TDRD9: variants seen among roughly 807,000 people sequenced by gnomAD.
The protein encoded by TDRD9 is tudor domain containing 9.
TDRD9 carries 124 observed loss-of-function variants against 172.6 expected under a neutral mutation model. The ratio of observed to expected loss-of-function variants is 0.72; its 90% CI spans 0.62 to 0.83. The LOEUF (loss-of-function observed/expected upper bound fraction) is 0.83, where lower values mean the gene tolerates loss of function less well. Among genes scored for constraint, TDRD9 ranks in the 40% least tolerant of loss-of-function variants. TDRD9 has a pLI of 0.00. For synonymous variants in TDRD9, 619 were observed against 617.1 expected (o/e 1.00, Z -0.05); for missense variants, 1,479 against 1,714.1 (o/e 0.86, Z 2.42).
intron 1 of TDRD9, among the ~76,000 whole-genome samples, chr14:103,942,614 G>T (rs1221957198): frequency 6.6e-6 from 1 of 152,314 alleles, no homozygotes; most frequent in Non-Finnish European, 1.5e-5. Context: ...TCTAAAAATA[G>T]CCACGTTGCT....
chr14:103,938,716 C>T (rs1475921178), intron 1 of TDRD9, among the ~76,000 whole-genome samples: 1 of 151,866 alleles, frequency 6.6e-6, no homozygotes, highest in Non-Finnish European at 1.5e-5. Flanking sequence ...GGATTACAGG[C>T]GTGAGCCACC....
rs141925273 is a variant in TDRD9 at position 103,960,036 on chromosome 14, G to A, written c.323-3043G>A. On this transcript the variant is annotated intron_variant, in intron 2 of 35. Coordinates refer to ENST00000409874, the MANE Select transcript of TDRD9 (RefSeq NM_153046.3). Reference sequence around the variant, plus strand: ...CTGGTTTTAAGAGAATGGCCTATGTGGAATGTCTAATAACCGAAAGAGAAA... The same window carrying A: ...CTGGTTTTAAGAGAATGGCCTATGTAGAATGTCTAATAACCGAAAGAGAAA... Among the ~76,000 whole-genome samples, 148 of 152,124 alleles carry A rather than the reference G, an allele frequency of 9.7e-4. 3 individuals are homozygous for A. In the East Asian group the frequency reaches 0.024, roughly 25 times the overall value.
At chr14:104,023,381 C>T (rs763914113) in intron 24 of TDRD9, among the ~76,000 whole-genome samples, 59 of 152,014 alleles carry the variant, frequency 3.9e-4, no homozygotes, top group Non-Finnish European at 6.9e-4. Context: ...TATTTTTTGT[C>T]TTCAACACAG....
intron 30 of TDRD9, among the ~76,000 whole-genome samples, chr14:104,033,555 G>A (rs191812320): frequency 6.6e-6 from 1 of 152,224 alleles, no homozygotes; most frequent in Non-Finnish European, 1.5e-5. Context: ...GCAGGCTTCT[G>A]CTGAGGGGTG....
intron 9 of TDRD9, among the ~76,000 whole-genome samples, chr14:103,992,379 C>A (rs2152199182): frequency 6.6e-6 from 1 of 152,308 alleles, no homozygotes; most frequent in South Asian, 2.1e-4. Flanking sequence ...GAGTTTCAAA[C>A]TTTTGTCATG....
At chr14:104,042,239 C>T in intron 34 of TDRD9, 52 bp downstream of exon 34, 1 of 1,235,090 alleles carries the variant, frequency 8.1e-7, no homozygotes, top group Non-Finnish European at 1.2e-6. Context: ...ACTTTCTCAG[C>T]TGCCTTGATC....
intron 34 of TDRD9, among the ~76,000 whole-genome samples, chr14:104,043,687 C>T (rs2035676875): frequency 6.6e-6 from 1 of 152,196 alleles, no homozygotes; most frequent in Admixed American, 6.5e-5. Flanking sequence ...ACAAGGGTAA[C>T]TGTATCCTGC....
intron 1 of TDRD9, among the ~76,000 whole-genome samples, chr14:103,938,436 A>ATTTTTTTTTTTTT (rs1483928412): frequency 2.0e-4 from 8 of 40,564 alleles, no homozygotes; most frequent in South Asian, 2.4e-3. Flanking sequence ...ATATATATAT[A>ATTTTTTTTTTTTT]TATATTTTTT....
At chr14:103,943,515 C>CTTTT (rs71462605) in intron 1 of TDRD9, among the ~76,000 whole-genome samples, 2 of 133,298 alleles carry the variant, frequency 1.5e-5, no homozygotes, top group Non-Finnish European at 3.2e-5. Context: ...ACATACATTT[C>CTTTT]TTTTTTTTTT....
At chr14:103,950,238 T>G (rs1312042969) in intron 1 of TDRD9, among the ~76,000 whole-genome samples, 1 of 151,704 alleles carries the variant, frequency 6.6e-6, no homozygotes. Flanking sequence ...TATAGGCACG[T>G]GCCACCATGC....
At chr14:103,937,653 G>A (rs573228607) in intron 1 of TDRD9, among the ~76,000 whole-genome samples, 1 of 152,284 alleles carries the variant, frequency 6.6e-6, no homozygotes, top group South Asian at 2.1e-4. Flanking sequence ...ATGATTCTGA[G>A]ATTTCTGGCT....
At position 104,026,716 on chromosome 14, in the gene TDRD9, C is replaced by T; in HGVS notation, c.3059C>T (p.Ala1020Val). The T allele has an allele frequency of 2.5e-6, 4 of 1,614,036 alleles. No individual in the cohort carries two copies. The highest frequency in any genetic ancestry group is 3.4e-6 in the Non-Finnish European group (4 of 1,179,880). The stretch of plus-strand genomic sequence containing the variant: ...AAGATTTGCAAAATGAGACCATCAG[C>T]AAAGTCTCTTGTTTGTGGCAAGCAC... ...EFKICKMRPS[A>V]KSLVCGKHWS... The change falls in exon 28 of 36, where the codon GCA (alanine) becomes GTA (valine). Residue 1020 changes from alanine to valine, a missense_variant. Around this residue, in one of 3 missense-constraint regions of TDRD9, gnomAD observed 1,413 missense variants for 1,649.1 expected, o/e 0.86. Coordinates refer to ENST00000409874, the MANE Select transcript of TDRD9 (RefSeq NM_153046.3).
At chr14:104,003,990 A>G (rs2034348297) in intron 13 of TDRD9, among the ~76,000 whole-genome samples, 2 of 152,150 alleles carry the variant, frequency 1.3e-5, no homozygotes, top group South Asian at 4.1e-4. Context: ...CACTGAATAG[A>G]AGTCAGCATT....
intron 15 of TDRD9, 132 bp downstream of exon 15, chr14:104,005,537 C>T (rs937663898): frequency 3.1e-6 from 3 of 954,430 alleles, no homozygotes; most frequent in Admixed American, 2.4e-5. Context: ...TCTGTTCCTC[C>T]TGCCTCACTT....
intron 28 of TDRD9, among the ~76,000 whole-genome samples, chr14:104,030,171 C>T (rs368864852): frequency 1.2e-4 from 18 of 152,024 alleles, no homozygotes; most frequent in East Asian, 7.7e-4. Context: ...TTCTTGCAAA[C>T]GATAGTAAGA....
intron 1 of TDRD9, among the ~76,000 whole-genome samples, chr14:103,952,842 A>G (rs2032009085): frequency 6.9e-6 from 1 of 145,972 alleles, no homozygotes; most frequent in Non-Finnish European, 1.5e-5. Flanking sequence ...GGTTTCAGGC[A>G]AATTCTCCTG....
chr14:104,031,468 G>GTT (rs55696833), intron 29 of TDRD9, among the ~76,000 whole-genome samples: 25,503 of 104,726 alleles, frequency 0.24, 3,414 homozygotes, highest in Non-Finnish European at 0.3. Context: ...GCTTTGACTA[G>GTT]TTTTTTTTTT....
Position 103,963,146 on chromosome 14 carries a change from T to C in TDRD9, c.390T>C (p.Pro130=). 4 of 1,549,282 alleles carry C rather than the reference T, an allele frequency of 2.6e-6. No individual in the cohort carries two copies. Among genetic ancestry groups the C allele is most frequent in the Non-Finnish European group, 2.6e-6 (3 of 1,145,720 alleles). ...TCIPGTTYKY[P]DLPISRYKEE... is the part of the protein sequence containing the mutation. Reference sequence around the variant, plus strand: ...TCCCAGGGACAACTTATAAATATCCTGATTTGCCTATAAGTCGATACAAGG... The same window carrying C: ...TCCCAGGGACAACTTATAAATATCCCGATTTGCCTATAAGTCGATACAAGG... Residue 130 remains proline (P), a synonymous_variant, in exon 3 of 36, where the codon CCT becomes CCC. Transcript: ENST00000409874.
intron 1 of TDRD9, among the ~76,000 whole-genome samples, chr14:103,930,149 C>T (rs771896912): frequency 6.6e-6 from 1 of 151,990 alleles, no homozygotes; most frequent in African/African-American, 2.4e-5. Context: ...AAGTCCAGCA[C>T]GCTTTACAGT....
Sources: allele counts gnomAD v4.1 joint callset (sites outside exome capture counted in the v4.1 genomes callset), GRCh38; gene constraint gnomAD v4.1.1; regional missense constraint gnomAD v4.1.1; transcripts MANE v1.5; gene names NCBI Gene and HGNC (gene_info 2026-07-23, HGNC 2026-07-21).